Variants in ZNF317 observed in about 807,000 individuals in gnomAD.
The protein encoded by ZNF317 is KRAB-containing zinc finger protein 317.
A neutral mutation model predicts 23.4 loss-of-function variants in ZNF317; 17 were observed. The observed-to-expected ratio is 0.73, with a 90% CI of 0.50 to 1.09. The LOEUF (loss-of-function observed/expected upper bound fraction) is 1.09, where lower values mean the gene tolerates loss of function less well. Ranked by LOEUF, ZNF317 falls within the 50% of genes least tolerant of loss-of-function variation. The pLI is 0.00. For synonymous variants in ZNF317, 317 were observed against 314.9 expected, an observed-to-expected ratio of 1.01 and a Z score of -0.07; for missense variants, 679 against 796.7, an observed-to-expected ratio of 0.85 and a Z score of 1.78.
intron 1 of ZNF317, among the ~76,000 whole-genome samples, chr19:9,146,136 C>A (rs1267055247): frequency 1.3e-5 from 2 of 151,522 alleles, no homozygotes; most frequent in African/African-American, 4.9e-5. Context: ...TAATTTCTTG[C>A]CAGCACATGA....
At chr19:9,150,217 C>G (rs1314102827) in intron 1 of ZNF317, among the ~76,000 whole-genome samples, 1 of 152,086 alleles carries the variant, frequency 6.6e-6, no homozygotes, top group Non-Finnish European at 1.5e-5. Flanking sequence ...TGCCAGGGAG[C>G]GGAGAGTGGC....
At chr19:9,144,593 G>C (rs1345238887) in intron 1 of ZNF317, among the ~76,000 whole-genome samples, 1 of 151,902 alleles carries the variant, frequency 6.6e-6, no homozygotes, top group Non-Finnish European at 1.5e-5. Context: ...ATTTGCATAT[G>C]TTACTCTCCT....
In ZNF317 at chr19:9,140,511, G is replaced by A; in HGVS notation, c.-174G>A. 2.2e-6 allele frequency: 1 copy of A among 456,652 alleles called. No individual in the cohort carries two copies. The highest frequency in any genetic ancestry group is 4.4e-6 in the Non-Finnish European group (1 of 226,946). 28.3% of individuals were successfully genotyped at this position (456,652 alleles called of 1,614,324 possible). On this transcript the variant is annotated 5_prime_UTR_variant, in exon 1 of 7. Coordinates refer to ENST00000247956, the MANE Select transcript of ZNF317 (RefSeq NM_020933.5). ...GGGGACCCCTCGTGTCCCCACGCCA[G>A]ACTGGACCTCCCGTATGAACTTCTC...
At chr19:9,158,692 A>AT (rs2050814991) in intron 5 of ZNF317, 134 bp from the exon 6 acceptor site, 1 of 658,634 alleles carries the variant, frequency 1.5e-6, no homozygotes, top group Non-Finnish European at 2.7e-6. Flanking sequence ...ACATGACCAG[A>AT]TTTTTTAACA....
rs2050795348 is a variant in ZNF317 at position 9,157,385 on chromosome 19, A to G, written c.280A>G (p.Thr94Ala). The change falls in exon 4 of 7, where the codon ACT (threonine) becomes GCT (alanine). Residue 94 changes from threonine to alanine, a missense_variant. Thr to Ala is a moderately conservative substitution (Grantham distance 58). Transcript: ENST00000247956. The stretch of plus-strand genomic sequence containing the variant: ...AATGCTGGAGAACTACAGCAACCTC[A>G]CTTCACTGGGTAAGGCCAGTGCCAT... ...DVMLENYSNL[T>A]SLGYQVGKPS... 1 of 1,614,038 alleles carries G rather than the reference A, an allele frequency of 6.2e-7. No individual in the cohort carries two copies. The highest frequency in any genetic ancestry group is 8.5e-7 in the Non-Finnish European group (1 of 1,179,970).
At chr19:9,155,878 A>AT (rs1265133802) in intron 1 of ZNF317, 47 bp from the exon 2 acceptor site, 1 of 1,036,802 alleles carries the variant, frequency 9.6e-7, no homozygotes, top group Non-Finnish European at 1.5e-6. Flanking sequence ...TGAGCAGGAG[A>AT]GACAGATAGC....
intron 4 of ZNF317, chr19:9,157,681 C>CTTTTTTTTTTTTTTT (rs566513253): frequency 5.8e-6 from 2 of 346,344 alleles, no homozygotes; most frequent in East Asian, 1.7e-4. Context: ...TTTCCTATTT[C>CTTTTTTTTTTTTTTT]TTTTTTTTTT....
Position 9,161,507 on chromosome 19 carries a change from G to T in ZNF317, c.*74G>T. ...CGTGGGTGTAAGAGGAAGCCTCTGT[G>T]AGCTCGCACCTTACTGGGTGCAAAA... On this transcript the variant is annotated 3_prime_UTR_variant, in exon 7 of 7. Coordinates refer to ENST00000247956, the MANE Select transcript of ZNF317 (RefSeq NM_020933.5). The surrounding 1 kb of genome is among the most constrained non-coding windows in gnomAD (Gnocchi z 4.0). 1 of 1,529,166 alleles carries T rather than the reference G, an allele frequency of 6.5e-7. No individual in the cohort carries two copies. Among genetic ancestry groups the T allele is most frequent in the East Asian group, 2.3e-5 (1 of 44,130 alleles). 94.7% of individuals were successfully genotyped at this position (1,529,166 alleles called of 1,614,324 possible). A position where few individuals can be genotyped will look rare whatever the true frequency, so the allele number is the denominator to read the frequency against.
At position 9,152,617 on chromosome 19, in the gene ZNF317, C is replaced by T. The variant is rs959697294; in HGVS notation, c.-92-3308C>T. On this transcript the variant is annotated intron_variant, in intron 1 of 6. Transcript: ENST00000247956. Reference sequence around the variant, plus strand: ...CTGATGATCTGTCAGTGTCTCCCATCACCTCCAGATGGGACCATCTAGTTT... The same window carrying T: ...CTGATGATCTGTCAGTGTCTCCCATTACCTCCAGATGGGACCATCTAGTTT... Among the ~76,000 whole-genome samples the T allele has an allele frequency of 3.3e-5, 5 of 152,360 alleles. No individual in the cohort carries two copies. The East Asian group carries it at 9.6e-4, about 29-fold the overall frequency.
In ZNF317 at chr19:9,161,557, C is replaced by G; in HGVS notation, c.*124C>G. 4 of 1,420,310 alleles carry G rather than the reference C, an allele frequency of 2.8e-6. No individual in the cohort carries two copies. The highest frequency in any genetic ancestry group is 3.8e-6 in the Non-Finnish European group (4 of 1,058,540). The allele number at this position is 1,420,310 out of a possible 1,614,324, so 88.0% of individuals were successfully genotyped here. ...AGAATCCACGGAACTTGGGAGAAGT[C>G]CAGTTCCTGTAAAAACTGGGAAGAC... On this transcript the variant is annotated 3_prime_UTR_variant, in exon 7 of 7. Coordinates refer to ENST00000247956, the MANE Select transcript of ZNF317 (RefSeq NM_020933.5). This position sits in a 1 kb window ranked among gnomAD's most constrained non-coding sequence, Gnocchi z 4.0.
chr19:9,157,416 C>T (rs1231444573), intron 4 of ZNF317, 22 bp downstream of exon 4: 26 of 1,613,418 alleles, frequency 1.6e-5, no homozygotes, highest in Non-Finnish European at 1.9e-5. Context: ...GCCATTTCTC[C>T]ACTTATTCAT....
At chr19:9,145,830 T>C (rs927127100) in intron 1 of ZNF317, among the ~76,000 whole-genome samples, 105 of 152,344 alleles carry the variant, frequency 6.9e-4, no homozygotes, top group African/African-American at 2.4e-3. Context: ...GCTTTGAAAC[T>C]TCAGCCTTCA....
chr19:9,158,930 T>A (rs1370492333), intron 6 of ZNF317, 22 bp downstream of exon 6: 1 of 1,555,056 alleles, frequency 6.4e-7, no homozygotes, highest in Non-Finnish European at 8.9e-7. Flanking sequence ...GTGGGATAAT[T>A]CTGGATCTTC....
rs769806357 is a variant in ZNF317 at position 9,158,922 on chromosome 19, G to A, written c.468+14G>A. 1 of 1,587,116 alleles carries A rather than the reference G, an allele frequency of 6.3e-7. No homozygotes were observed. Among genetic ancestry groups the A allele is most frequent in the Admixed American group, 1.7e-5 (1 of 59,972 alleles). Reference sequence around the variant, plus strand: ...GGTGTGACGATGGTAAGATTTCCGTGGGATAATTCTGGATCTTCCTTCCAC... The same window carrying A: ...GGTGTGACGATGGTAAGATTTCCGTAGGATAATTCTGGATCTTCCTTCCAC... On this transcript the variant is annotated intron_variant, in intron 6 of 6. Transcript: ENST00000247956.
rs1481130250 is a variant in ZNF317 at position 9,140,472 on chromosome 19, T to C, written c.-213T>C. Reference sequence around the variant, plus strand: ...GGCCAAGGAGGGGTCAGCGGCGAATTCTTTCGGCCTGTTGGGGACCCCTCG... The same window carrying C: ...GGCCAAGGAGGGGTCAGCGGCGAATCCTTTCGGCCTGTTGGGGACCCCTCG... On this transcript the variant is annotated 5_prime_UTR_variant, in exon 1 of 7. Transcript: ENST00000247956. The C allele has an allele frequency of 2.2e-6, 1 of 456,126 alleles. No homozygotes were observed. Among genetic ancestry groups the C allele is most frequent in the Admixed American group, 2.4e-5 (1 of 42,504 alleles). 28.3% of individuals were successfully genotyped at this position (456,126 alleles called of 1,614,324 possible). A position where few individuals can be genotyped will look rare whatever the true frequency, so the allele number is the denominator to read the frequency against.
intron 1 of ZNF317, among the ~76,000 whole-genome samples, chr19:9,154,953 T>C (rs1210767522): frequency 2.0e-5 from 3 of 152,214 alleles, no homozygotes; most frequent in Non-Finnish European, 4.4e-5. Flanking sequence ...TTCAACACCA[T>C]TCGATGTGAT....
At chr19:9,143,890 A>G (rs377096468) in intron 1 of ZNF317, among the ~76,000 whole-genome samples, 2 of 130,646 alleles carry the variant, frequency 1.5e-5, no homozygotes, top group East Asian at 2.2e-4. Context: ...GCCTTAATCT[A>G]TTCTGTCTGA....
At chr19:9,144,582 GA>G (rs34133460) in intron 1 of ZNF317, among the ~76,000 whole-genome samples, 36,686 of 151,800 alleles carry the variant, frequency 0.24, 4,883 homozygotes, top group African/African-American at 0.37. Context: ...ACTAAATCTA[GA>G]TTTGCATATG....
At chr19:9,142,513 C>T in intron 1 of ZNF317, among the ~76,000 whole-genome samples, 1 of 143,032 alleles carries the variant, frequency 7.0e-6, no homozygotes. Flanking sequence ...TTGAGTTTTT[C>T]TTGTGAATTG....
Sources: gnomAD v4.1 joint callset for allele counts (sites outside exome capture counted in the v4.1 genomes callset) on GRCh38, gnomAD v4.1.1 for gene constraint, Gnocchi (gnomAD v3.1) non-coding constraint, MANE v1.5 for transcripts, NCBI Gene and HGNC (gene_info 2026-07-23, HGNC 2026-07-21) for gene names.